Variants in OASL observed in about 807,000 individuals in gnomAD.
OASL encodes the protein 2'-5'-oligoadenylate synthase-like protein.
OASL carries 28 observed loss-of-function variants against 35.3 expected under a neutral mutation model. The observed-to-expected ratio is 0.79, with a 90% CI of 0.59 to 1.09. The LOEUF (loss-of-function observed/expected upper bound fraction) is 1.09, where lower values mean the gene tolerates loss of function less well. Among genes scored for constraint, OASL ranks in the 50% least tolerant of loss-of-function variants. The pLI, the probability that OASL is intolerant of heterozygous loss-of-function variation, is 0.00. For missense variants in OASL, 620 were observed against 635.2 expected (o/e 0.98, Z 0.26); for synonymous variants, 252 against 254.6 (o/e 0.99, Z 0.10).
chr12:121,035,251 G>A (rs113017155), intron 1 of OASL, among the ~76,000 whole-genome samples: 2 of 151,946 alleles, frequency 1.3e-5, no homozygotes, highest in Non-Finnish European at 1.5e-5. Context: ...TCCCAGCCAG[G>A]CATGATGGCT....
chr12:121,033,402 C>T (rs1020640354), intron 2 of OASL, 59 bp downstream of exon 2: 1 of 1,556,028 alleles, frequency 6.4e-7, no homozygotes, highest in African/African-American at 1.4e-5. Flanking sequence ...AGGTGAGACA[C>T]TGGGAAGTCT....
chr12:121,027,675 A>G, exon 4 of OASL: 1 of 1,614,224 alleles, frequency 6.2e-7, no homozygotes, highest in Non-Finnish European at 8.5e-7. Flanking sequence ...ATACTCCAGG[A>G]GCAGGTCCAT....
chr12:121,035,353 C>T (rs995851783), intron 1 of OASL, among the ~76,000 whole-genome samples: 1 of 151,924 alleles, frequency 6.6e-6, no homozygotes, highest in African/African-American at 2.4e-5. Flanking sequence ...GGTGAAAGCA[C>T]ATCTCTACTA....
intron 5 of OASL, among the ~76,000 whole-genome samples, chr12:121,021,825 A>C (rs1397597295): frequency 6.6e-6 from 1 of 152,220 alleles, no homozygotes; most frequent in African/African-American, 2.4e-5. Flanking sequence ...GGAAAACAAA[A>C]AAAGAAAAAG....
chr12:121,033,012 G>A (rs1017212531), intron 2 of OASL, among the ~76,000 whole-genome samples: 43 of 151,668 alleles, frequency 2.8e-4, no homozygotes, highest in Non-Finnish European at 8.8e-5. Flanking sequence ...TGCAACCTCC[G>A]CCTCCTGGGT....
intron 5 of OASL, among the ~76,000 whole-genome samples, chr12:121,023,068 T>A (rs1225073420): frequency 6.6e-6 from 1 of 152,146 alleles, no homozygotes; most frequent in African/African-American, 2.4e-5. Context: ...CACTAGAAAG[T>A]GTGATGTTAA....
chr12:121,026,461 G>C (rs1026354918), intron 4 of OASL, among the ~76,000 whole-genome samples: 1 of 152,198 alleles, frequency 6.6e-6, no homozygotes, highest in Non-Finnish European at 1.5e-5. Flanking sequence ...ACAAATAAGG[G>C]AGTGAGACAG....
In OASL at chr12:121,027,451, G is replaced by A. The variant is rs963185426; in HGVS notation, c.899+125C>T. 3.6e-5 allele frequency: 51 copies of A among 1,404,600 alleles called. No individual in the cohort carries two copies. The African/African-American group carries it at 3.7e-4, about 10-fold the overall frequency. 87.0% of individuals were successfully genotyped at this position (1,404,600 alleles called of 1,614,324 possible). ...GCCAGCTGTGTTGGTGTGGGAGGTCGATGCTCAACTATGGTGGCAGCCTTA... is the reference window on the plus strand; with the variant it reads ...GCCAGCTGTGTTGGTGTGGGAGGTCAATGCTCAACTATGGTGGCAGCCTTA... On this transcript the variant is annotated intron_variant, in intron 4 of 5. Coordinates refer to ENST00000257570, the Ensembl canonical transcript of OASL.
At chr12:121,018,308 C>T (rs866651066), downstream of OASL, among the ~76,000 whole-genome samples, 40 of 152,188 alleles carry the variant, frequency 2.6e-4, no homozygotes, top group African/African-American at 9.2e-4. Context: ...GGAAGTTTCT[C>T]AGTCTGTTGT....
At chr12:121,022,744 C>T (rs1027879786) in intron 5 of OASL, among the ~76,000 whole-genome samples, 1 of 152,186 alleles carries the variant, frequency 6.6e-6, no homozygotes, top group Non-Finnish European at 1.5e-5. Context: ...CCTTTGTCCT[C>T]TGTTCTGAGT....
intron 3 of OASL, among the ~76,000 whole-genome samples, 197 bp downstream of exon 3, chr12:121,031,245 C>T (rs1364366722): frequency 6.6e-6 from 1 of 151,862 alleles, no homozygotes; most frequent in Non-Finnish European, 1.5e-5. Flanking sequence ...TTTCTTTCTC[C>T]TCTTCCTCCT....
In OASL at chr12:121,033,449, C is replaced by T. The variant is rs1309627890; in HGVS notation, c.481+12G>A. On this transcript the variant is annotated intron_variant, in intron 2 of 5. Coordinates refer to ENST00000257570, the Ensembl canonical transcript of OASL. ...CAAGTGTGTGAGTCGGGTGAGCTTC[C>T]CCTCCCCTTACCCAGGGCTCTGTAG... 7.5e-6 allele frequency: 12 copies of T among 1,602,442 alleles called. No homozygotes were observed. Among genetic ancestry groups the T allele is most frequent in the Non-Finnish European group, 1.0e-5 (12 of 1,170,478 alleles).
At chr12:121,024,186 T>C (rs1869383557) in intron 4 of OASL, 49 bp from the exon 5 acceptor site, 1 of 1,582,636 alleles carries the variant, frequency 6.3e-7, no homozygotes, top group Non-Finnish European at 8.6e-7. Flanking sequence ...TTGAAGGCCT[T>C]CAAGCCAGAA....
At chr12:121,031,497 T>A in exon 3 of OASL, 3 of 1,614,090 alleles carry the variant, frequency 1.9e-6, no homozygotes, top group Non-Finnish European at 2.5e-6. Context: ...AGTTGGCCGA[T>A]GTTTCACGAA....
chr12:121,020,038 C>T (rs922980774), exon 6 of OASL: 1 of 152,854 alleles, frequency 6.5e-6, no homozygotes, highest in African/African-American at 2.4e-5. Context: ...CGTCATGTGA[C>T]CACACTATTT....
intron 3 of OASL, among the ~76,000 whole-genome samples, chr12:121,028,125 C>A (rs894977061): frequency 2.0e-5 from 3 of 152,158 alleles, no homozygotes; most frequent in Non-Finnish European, 2.9e-5. Context: ...CCATTTAAAT[C>A]TATTTTAATG....
intron 1 of OASL, among the ~76,000 whole-genome samples, chr12:121,035,323 G>C (rs533772465): frequency 6.6e-6 from 1 of 151,956 alleles, no homozygotes; most frequent in Non-Finnish European, 1.5e-5. Flanking sequence ...TCAGGAGTTC[G>C]AGATCAGCCT....
At chr12:121,026,126 G>C (rs1434879254) in intron 4 of OASL, among the ~76,000 whole-genome samples, 2 of 152,200 alleles carry the variant, frequency 1.3e-5, no homozygotes, top group Non-Finnish European at 2.9e-5. Flanking sequence ...AGGGGAGCCG[G>C]ACAGGTGTGG....
At position 121,033,720 on chromosome 12, in the gene OASL, C is replaced by T. The variant is rs373574251; in HGVS notation, c.222G>A (p.Thr74=). Residue 74 remains threonine (T), a synonymous_variant, in exon 2 of 6, where the codon ACG becomes ACA. Transcript: ENST00000257570. ...CCACCTCTCTGGTGCTCCTGAGAAC[C>T]GTGCCATTCCCGAAGGAGCCCACCT... The T allele has an allele frequency of 1.6e-4, 262 of 1,613,242 alleles. 1 individual carries two copies. Among genetic ancestry groups the T allele is most frequent in the Non-Finnish European group, 2.1e-4 (248 of 1,179,790 alleles).
Sources: allele counts gnomAD v4.1 joint callset (sites outside exome capture counted in the v4.1 genomes callset), GRCh38; gene constraint gnomAD v4.1.1; transcripts MANE v1.5; gene names NCBI Gene and HGNC (gene_info 2026-07-23, HGNC 2026-07-21).